The following SHPRH variants were observed in gnomAD, a reference collection of about 807,000 sequenced individuals.
SHPRH encodes SNF2 histone linker PHD RING helicase, also known as E3 ubiquitin-protein ligase SHPRH.
Under a neutral mutation model 202.5 loss-of-function variants are expected in SHPRH, and 106 were observed. The observed-to-expected ratio is 0.52, with a 90% CI of 0.45 to 0.62. SHPRH has a LOEUF of 0.62. Ranked by LOEUF, SHPRH falls within the 20% of genes least tolerant of loss-of-function variation. The pLI is 0.00. For missense variants in SHPRH, 1,710 were observed against 2,020.0 expected, an observed-to-expected ratio of 0.85 and a Z score of 2.94; for synonymous variants, 729 against 686.0, an observed-to-expected ratio of 1.06 and a Z score of -0.98.
intron 2 of SHPRH, among the ~76,000 whole-genome samples, chr6:145,878,408 A>G (rs1239053815): frequency 6.6e-6 from 1 of 152,196 alleles, no homozygotes; most frequent in Admixed American, 6.5e-5. Context: ...GTAGTAGCAT[A>G]CAGAAGGCTC....
intron 25 of SHPRH, chr6:145,904,221 A>G (rs1782749555): frequency 6.6e-6 from 1 of 152,118 alleles, no homozygotes; most frequent in Non-Finnish European, 1.5e-5. Flanking sequence ...GAATCTTGAC[A>G]TAAATACAGT....
chr6:145,881,048 T>C (rs1780543424), downstream of SHPRH, among the ~76,000 whole-genome samples: 1 of 152,152 alleles, frequency 6.6e-6, no homozygotes, highest in African/African-American at 2.4e-5. Flanking sequence ...TGTAAATAGG[T>C]TATTAGCTAT....
chr6:145,863,709 A>G (rs1779655328), downstream of SHPRH, among the ~76,000 whole-genome samples: 1 of 152,178 alleles, frequency 6.6e-6, no homozygotes, highest in Non-Finnish European at 1.5e-5. Flanking sequence ...GGACGTGGTC[A>G]ATGTCAAAGA....
chr6:145,869,755 C>CT (rs947924140), intron 2 of SHPRH, among the ~76,000 whole-genome samples: 15 of 151,116 alleles, frequency 9.9e-5, no homozygotes, highest in African/African-American at 3.4e-4. Context: ...AAGTTAGATA[C>CT]TATCAGTCTT....
chr6:145,876,660 T>C (rs954250765), intron 2 of SHPRH: 4 of 143,706 alleles, frequency 2.8e-5, no homozygotes, highest in Admixed American at 6.8e-5. Flanking sequence ...TGTGAACACA[T>C]GTTTTCATTT....
chr6:145,865,645 C>A (rs776951307), intron 2 of SHPRH, among the ~76,000 whole-genome samples: 2 of 152,172 alleles, frequency 1.3e-5, no homozygotes, highest in Non-Finnish European at 2.9e-5. Flanking sequence ...TAAGAAGCAA[C>A]ATGCATTTGA....
intron 1 of SHPRH, among the ~76,000 whole-genome samples, chr6:145,958,635 T>C (rs1788746741): frequency 6.6e-6 from 1 of 152,154 alleles, no homozygotes; most frequent in South Asian, 2.1e-4. Context: ...GGAAGTAGTT[T>C]CTAGCTACTA....
intron 1 of SHPRH, among the ~76,000 whole-genome samples, chr6:145,961,072 T>C (rs1214454973): frequency 1.3e-5 from 2 of 151,886 alleles, no homozygotes; most frequent in Non-Finnish European, 1.5e-5. Context: ...TGCCCGCAAC[T>C]CACCTCCTGC....
At chr6:145,937,691 T>TA (rs1481402598) in intron 11 of SHPRH, among the ~76,000 whole-genome samples, 1 of 152,180 alleles carries the variant, frequency 6.6e-6, no homozygotes, top group African/African-American at 2.4e-5. Flanking sequence ...TCTACCTACC[T>TA]AGTCTCTCTA....
At chr6:145,932,237 T>C (rs1187876532) in intron 14 of SHPRH, among the ~76,000 whole-genome samples, 1 of 152,144 alleles carries the variant, frequency 6.6e-6, no homozygotes, top group Non-Finnish European at 1.5e-5. Context: ...TGTGTCTATA[T>C]GGTGCTTATT....
rs996227566 is a variant in SHPRH at position 145,921,592 on chromosome 6, T to G, written c.3783-200A>C. Reference sequence around the variant, plus strand: ...TCCACTGTAATAAACAGAAAGCTACTGATTCATTTGCCATAACAACACAAA... The same window carrying G: ...TCCACTGTAATAAACAGAAAGCTACGGATTCATTTGCCATAACAACACAAA... On this transcript the variant is annotated intron_variant, in intron 20 of 29. Transcript: ENST00000275233. 2.6e-5 allele frequency among the ~76,000 whole-genome samples: 4 copies of G among 151,910 alleles called. No homozygotes were observed. In the East Asian group the frequency reaches 7.7e-4, roughly 29 times the overall value.
rs576917944 is a variant in SHPRH, at chr6:145,955,410, G to A, written c.-32-56C>T. 9 of 1,456,608 alleles carry A rather than the reference G, an allele frequency of 6.2e-6. No individual in the cohort carries two copies. The East Asian group carries it at 1.8e-4, about 30-fold the overall frequency. The allele number at this position is 1,456,608 out of a possible 1,614,324, so 90.2% of individuals were successfully genotyped here. A position where few individuals can be genotyped will look rare whatever the true frequency, so the allele number is the denominator to read the frequency against. ...AACAAGAGATGATTTAGTATTTAAG[G>A]GTTACCAGATGAGAAATTCAGCATA... is the stretch of plus-strand genomic sequence containing the variant. On this transcript the variant is annotated intron_variant, in intron 1 of 29. Coordinates refer to ENST00000275233, the MANE Select transcript of SHPRH (RefSeq NM_001042683.3).
chr6:145,894,058 G>A (rs1383621260), intron 27 of SHPRH, 92 bp downstream of exon 27: 4 of 858,298 alleles, frequency 4.7e-6, no homozygotes, highest in Admixed American at 6.6e-5. Flanking sequence ...GGCTTATATG[G>A]CATGAGACAA....
chr6:145,943,329 T>C lies in SHPRH; in HGVS notation c.2052A>G (p.Gln684=), dbSNP rs376822922. The C allele has an allele frequency of 3.0e-5, 48 of 1,613,774 alleles. No homozygotes were observed. Among genetic ancestry groups the C allele is most frequent in the Non-Finnish European group, 3.6e-5 (43 of 1,179,946 alleles). ...CATCATAATTCACACACTTTGCATG[T>C]TGCCACAGGTGACACTTCAGGCATT... is the stretch of plus-strand genomic sequence containing the variant. ...RVQCLKCHLW[Q]HAKCVNYDEK... Residue 684 remains glutamine (Q), a synonymous_variant, in exon 9 of 30, where the codon CAA becomes CAG. Coordinates refer to ENST00000275233, the MANE Select transcript of SHPRH (RefSeq NM_001042683.3).
At chr6:145,923,934 AT>A (rs746130156) in intron 17 of SHPRH, 149 bp from the exon 18 acceptor site, 24 of 684,840 alleles carry the variant, frequency 3.5e-5, no homozygotes, top group Non-Finnish European at 5.2e-5. Flanking sequence ...GAGTATACAT[AT>A]TCCATGTACA....
intron 25 of SHPRH, among the ~76,000 whole-genome samples, chr6:145,896,367 G>T (rs1022784651): frequency 2.0e-5 from 3 of 152,050 alleles, no homozygotes; most frequent in Middle Eastern, 3.4e-3. Context: ...TTCCTTGCAA[G>T]GTCTTACTTT....
rs746821112 is a variant in SHPRH, at chr6:145,935,211, A to G, written c.2734-48T>C. 19 of 1,597,478 alleles carry G rather than the reference A, an allele frequency of 1.2e-5. No individual in the cohort carries two copies. In the South Asian group the frequency reaches 2.2e-4, roughly 18 times the overall value. Reference sequence around the variant, plus strand: ...AAAAAAAGATATCATCTAAAAATTTATCTTTCCATCCCAATTGTTTCTTTT... The same window carrying G: ...AAAAAAAGATATCATCTAAAAATTTGTCTTTCCATCCCAATTGTTTCTTTT... On this transcript the variant is annotated intron_variant, in intron 12 of 29. Transcript: ENST00000275233.
downstream of SHPRH, among the ~76,000 whole-genome samples, chr6:145,860,889 C>T (rs1038797612): frequency 6.6e-6 from 1 of 151,884 alleles, no homozygotes; most frequent in Non-Finnish European, 1.5e-5. Context: ...CAAGAATATA[C>T]AATGAGGAAA....
At chr6:145,878,090 G>T (rs1266558964) in intron 2 of SHPRH, 1 of 152,138 alleles carries the variant, frequency 6.6e-6, no homozygotes, top group African/African-American at 2.4e-5. Flanking sequence ...TACAGAGTTT[G>T]ACTCTTTTCA....
Sources: gnomAD v4.1 joint callset for allele counts (sites outside exome capture counted in the v4.1 genomes callset) on GRCh38, gnomAD v4.1.1 for gene constraint, MANE v1.5 for transcripts, NCBI Gene and HGNC (gene_info 2026-07-23, HGNC 2026-07-21) for gene names.